The following LNPEP variants were observed in gnomAD, a reference collection of about 807,000 sequenced individuals.
LNPEP encodes the protein leucyl and cystinyl aminopeptidase, also known as leucyl-cystinyl aminopeptidase.
Under a neutral mutation model 120.6 loss-of-function variants are expected in LNPEP, and 64 were observed. That is an observed-to-expected ratio of 0.53 (90% CI 0.43 to 0.65). The LOEUF is 0.65. LNPEP is among the 30% of genes least tolerant of loss of function. The probability of loss-of-function intolerance (pLI) is 0.00; values close to 1 mark genes in which losing one functional copy is unlikely to be tolerated. For missense variants in LNPEP, 1,057 were observed against 1,200.0 expected (o/e 0.88, Z 1.76); for synonymous variants, 435 against 425.4 (o/e 1.02, Z -0.28).
chr5:96,992,208 C>T (rs573899530), intron 4 of LNPEP, among the ~76,000 whole-genome samples: 11 of 152,190 alleles, frequency 7.2e-5, no homozygotes, highest in African/African-American at 2.4e-4. Flanking sequence ...AAGGATGATT[C>T]CATCTGCCTT....
rs796425035 is a variant in LNPEP at position 97,026,617 on chromosome 5, G to A, written c.2724G>A (p.Trp908Ter). 1 of 1,612,080 alleles carries A rather than the reference G, an allele frequency of 6.2e-7. No individual in the cohort carries two copies. Among genetic ancestry groups the A allele is most frequent in the Admixed American group, 1.7e-5 (1 of 59,874 alleles). ...ASSEDVRKLYWLMKSSLNGDN... is the reference protein window; with the variant it reads ...ASSEDVRKLY The stretch of plus-strand genomic sequence containing the variant: ...AGGCTAAATCTGCTTTGCTCTTCAG[G>A]TTAATGAAAAGTAGCCTGAATGGAG... Residue 908 changes from tryptophan to a stop codon, truncating the protein, a stop_gained and splice_region_variant, in exon 16 of 18, where the codon TGG becomes TGA. Transcript: ENST00000231368. LOFTEE classifies it high-confidence loss of function.
At chr5:96,974,745 G>A (rs1288897402) in intron 1 of LNPEP, among the ~76,000 whole-genome samples, 1 of 151,932 alleles carries the variant, frequency 6.6e-6, no homozygotes, top group Admixed American at 6.6e-5. Flanking sequence ...TGGTTCCCTG[G>A]TTACCAAATG....
rs1791398059 is a variant in LNPEP, at chr5:97,028,473, C to T, written c.3018C>T (p.Val1006=). The T allele has an allele frequency of 1.9e-6, 3 of 1,613,802 alleles. No homozygotes were observed. Among genetic ancestry groups the T allele is most frequent in the Non-Finnish European group, 2.5e-6 (3 of 1,179,844 alleles). Residue 1006 remains valine (V), a synonymous_variant, in exon 18 of 18, where the codon GTC becomes GTT. Coordinates refer to ENST00000231368, the MANE Select transcript of LNPEP (RefSeq NM_005575.3). Reference sequence around the variant, plus strand: ...GTTGTGTCCAGGAGGCTTTGGAAGTCATTCAGTTGAATATCCAGTGGATGG... The same window carrying T: ...GTTGTGTCCAGGAGGCTTTGGAAGTTATTCAGTTGAATATCCAGTGGATGG... ...RLRCVQEALE[V]IQLNIQWMEK...
intron 1 of LNPEP, among the ~76,000 whole-genome samples, chr5:96,956,424 A>G (rs575317638): frequency 2.0e-5 from 3 of 152,366 alleles, no homozygotes; most frequent in South Asian, 2.1e-4. Flanking sequence ...AGGCTGAGGC[A>G]GGAGAATCAC....
intron 13 of LNPEP, among the ~76,000 whole-genome samples, chr5:97,019,991 C>T (rs1326204545): frequency 1.3e-5 from 2 of 152,210 alleles, no homozygotes; most frequent in Non-Finnish European, 2.9e-5. Context: ...ACTTCATGTC[C>T]TCCCAGTGAC....
At chr5:97,000,607 G>A (rs551319257) in intron 8 of LNPEP, among the ~76,000 whole-genome samples, 108 of 152,304 alleles carry the variant, frequency 7.1e-4, no homozygotes, top group African/African-American at 1.9e-3. Context: ...ATGATCATCC[G>A]TGGTAGATGG....
chr5:96,982,897 ATACAAG>A (rs1169503534), intron 2 of LNPEP, among the ~76,000 whole-genome samples: 10 of 152,068 alleles, frequency 6.6e-5, no homozygotes, highest in African/African-American at 2.2e-4. Context: ...ACCATATGAT[ATACAAG>A]TAGTTTTTAT....
chr5:96,981,415 G>A (rs1406920454), intron 2 of LNPEP, among the ~76,000 whole-genome samples: 1 of 152,038 alleles, frequency 6.6e-6, no homozygotes, highest in Non-Finnish European at 1.5e-5. Flanking sequence ...GTAAAATACT[G>A]TTTTATAATA....
chr5:96,976,845 T>A (rs1339542579), intron 1 of LNPEP, among the ~76,000 whole-genome samples: 2 of 151,822 alleles, frequency 1.3e-5, no homozygotes, highest in East Asian at 1.9e-4. Context: ...AAAGCAATTT[T>A]AAAAAATTGA....
At chr5:96,972,256 T>C (rs865988947) in intron 1 of LNPEP, among the ~76,000 whole-genome samples, 34 of 152,054 alleles carry the variant, frequency 2.2e-4, no homozygotes, top group African/African-American at 6.0e-4. Context: ...CTGTGGATTT[T>C]ATTAGGGCTT....
intron 1 of LNPEP, among the ~76,000 whole-genome samples, chr5:96,964,308 T>A (rs1437699554): frequency 6.6e-6 from 1 of 151,880 alleles, no homozygotes; most frequent in Non-Finnish European, 1.5e-5. Flanking sequence ...GAAAACATGA[T>A]CTGTACATGT....
chr5:96,977,568 T>G (rs1790027095), intron 1 of LNPEP, among the ~76,000 whole-genome samples: 1 of 152,226 alleles, frequency 6.6e-6, no homozygotes, highest in Admixed American at 6.5e-5. Flanking sequence ...AGGTGGAGAC[T>G]TCAGAGGCTG....
chr5:97,028,362 C>T (rs754286647), intron 17 of LNPEP, 40 bp from the exon 18 acceptor site: 2 of 1,605,614 alleles, frequency 1.2e-6, no homozygotes. Context: ...GGTTTATCGT[C>T]CTTTTCTTCT....
intron 13 of LNPEP, among the ~76,000 whole-genome samples, chr5:97,015,919 A>G (rs896297029): frequency 3.5e-4 from 53 of 151,994 alleles, no homozygotes; most frequent in African/African-American, 1.2e-3. Flanking sequence ...ATTATACTTT[A>G]AGTTCTAGGG....
At chr5:96,967,369 T>C (rs1057175698) in intron 1 of LNPEP, among the ~76,000 whole-genome samples, 1 of 152,012 alleles carries the variant, frequency 6.6e-6, no homozygotes, top group African/African-American at 2.4e-5. Context: ...GGTCTTAAAC[T>C]CTTGGCCTCA....
intron 1 of LNPEP, among the ~76,000 whole-genome samples, chr5:96,970,597 T>A (rs1400088994): frequency 7.2e-6 from 1 of 138,130 alleles, no homozygotes; most frequent in Non-Finnish European, 1.6e-5. Flanking sequence ...GTTTATCTGT[T>A]TCTCCTTTAT....
At chr5:96,972,418 C>T (rs1789888851) in intron 1 of LNPEP, among the ~76,000 whole-genome samples, 1 of 152,092 alleles carries the variant, frequency 6.6e-6, no homozygotes, top group African/African-American at 2.4e-5. Flanking sequence ...CCACTACTTC[C>T]CTGCACTGCT....
chr5:96,978,713 G>T (rs571783415), intron 1 of LNPEP, among the ~76,000 whole-genome samples: 13 of 152,240 alleles, frequency 8.5e-5, no homozygotes, highest in Admixed American at 8.5e-4. Context: ...AAGGGGAACC[G>T]TGGACTGTAG....
chr5:96,972,989 A>G (rs897357016), intron 1 of LNPEP, among the ~76,000 whole-genome samples: 3 of 152,150 alleles, frequency 2.0e-5, no homozygotes, highest in Admixed American at 2.0e-4. Flanking sequence ...AAAAAGCACA[A>G]TATACTAGGG....
Sources: allele counts gnomAD v4.1 joint callset (sites outside exome capture counted in the v4.1 genomes callset), GRCh38; gene constraint gnomAD v4.1.1; transcripts MANE v1.5; gene names NCBI Gene and HGNC (gene_info 2026-07-23, HGNC 2026-07-21).